Variants in SLC22A23 observed in about 807,000 individuals in gnomAD.
SLC22A23 encodes the protein solute carrier family 22 member 23, also known as ion transporter protein.
A neutral mutation model predicts 61.0 loss-of-function variants in SLC22A23; 26 were observed. That is an observed-to-expected ratio of 0.43 (90% confidence interval 0.31 to 0.59). The LOEUF (loss-of-function observed/expected upper bound fraction) is 0.59, where lower values mean the gene tolerates loss of function less well. Among genes scored for constraint, SLC22A23 ranks in the 20% least tolerant of loss-of-function variants. The pLI, the probability that SLC22A23 is intolerant of heterozygous loss-of-function variation, is 0.11. For synonymous variants in SLC22A23, 430 were observed against 413.9 expected (o/e 1.04, Z -0.47); for missense variants, 796 against 934.7 (o/e 0.85, Z 1.94).
chr6:3,361,218 GAA>G lies in SLC22A23; in HGVS notation c.914-37218_914-37217del, dbSNP rs201525203. Among the ~76,000 whole-genome samples, 1,105 of 151,678 alleles carry G rather than the reference GAA, an allele frequency of 7.3e-3. 16 individuals carry two copies. Among genetic ancestry groups the G allele is most frequent in the African/African-American group, 0.02 (842 of 41,294 alleles). On this transcript the variant is annotated intron_variant, in intron 3 of 9. Coordinates refer to ENST00000406686, the MANE Select transcript of SLC22A23 (RefSeq NM_015482.2). ...TCTTTCTACTGAAAAAAAAGAGAGG[GAA>G]ACGTGCTTCAATAAGAGGGACACAG...
At position 3,297,940 on chromosome 6, in the gene SLC22A23, A is replaced by G; in HGVS notation, c.1210+151T>C. On this transcript the variant is annotated intron_variant, in intron 5 of 9. Coordinates refer to ENST00000406686, the MANE Select transcript of SLC22A23 (RefSeq NM_015482.2). This position sits in a 1 kb window ranked among gnomAD's most constrained non-coding sequence, Gnocchi z 4.3. ...CACCTAGAAAATGGAGAGAATGTCA[A>G]GGTTGCCACATTGCCCTTGTGCAGG... 1 of 818,048 alleles carries G rather than the reference A, an allele frequency of 1.2e-6. No homozygotes were observed. Among genetic ancestry groups the G allele is most frequent in the Non-Finnish European group, 1.8e-6 (1 of 561,692 alleles). The allele number at this position is 818,048 out of a possible 1,614,324, so 50.7% of individuals were successfully genotyped here.
At chr6:3,285,041 T>A (rs776909494) in intron 8 of SLC22A23, 38 bp downstream of exon 8, 3 of 1,609,670 alleles carry the variant, frequency 1.9e-6, no homozygotes, top group Non-Finnish European at 2.5e-6. Context: ...AGATGTAATA[T>A]GAGACGAGGA....
At chr6:3,379,844 G>C (rs942118217) in intron 3 of SLC22A23, among the ~76,000 whole-genome samples, 2 of 152,160 alleles carry the variant, frequency 1.3e-5, no homozygotes, top group African/African-American at 4.8e-5. Flanking sequence ...GGCTTCAAAG[G>C]GTTCCTGTGG....
At chr6:3,448,639 G>A (rs1049934312) in intron 1 of SLC22A23, among the ~76,000 whole-genome samples, 8 of 152,042 alleles carry the variant, frequency 5.3e-5, no homozygotes, top group South Asian at 2.1e-4. Flanking sequence ...GACTACAGGC[G>A]CCCGCCACCA....
chr6:3,405,300 T>C (rs1768736966), intron 3 of SLC22A23, among the ~76,000 whole-genome samples: 2 of 151,704 alleles, frequency 1.3e-5, no homozygotes, highest in South Asian at 4.2e-4. Context: ...AGGCCTTCGG[T>C]AAACTCTGAC....
chr6:3,296,984 C>T (rs1368903166), intron 5 of SLC22A23, among the ~76,000 whole-genome samples: 3 of 152,242 alleles, frequency 2.0e-5, no homozygotes, highest in Non-Finnish European at 2.9e-5. Flanking sequence ...GCCCCTGCAC[C>T]TGTGCCCCTG....
rs1581572982 is a variant in SLC22A23, at chr6:3,273,207, T to C, written c.1909A>G (p.Thr637Ala). ...TTGTGCGGCAGCAGCGGCTGGCGCG[T>C]GTAGTGCTCCCCGTTAGAAATGTTC... is the stretch of plus-strand genomic sequence containing the variant. ...PENISNGEHYTRQPLLPHKKG... is the reference protein window; with the variant it reads ...PENISNGEHYARQPLLPHKKG... The change falls in exon 10 of 10, where the codon ACG becomes GCG. Residue 637 changes from threonine to alanine, a missense_variant. Thr to Ala is a moderately conservative substitution (Grantham distance 58, BLOSUM62 0). Transcript: ENST00000406686. 1.9e-6 allele frequency: 3 copies of C among 1,606,646 alleles called. No homozygotes were observed. Among genetic ancestry groups the C allele is most frequent in the East Asian group, 4.5e-5 (2 of 44,290 alleles).
rs904695436 is a variant in SLC22A23 at position 3,270,000 on chromosome 6, T to G, written c.*3055A>C. 2 of 152,758 alleles carry G rather than the reference T, an allele frequency of 1.3e-5. No individual in the cohort carries two copies. Among genetic ancestry groups the G allele is most frequent in the Admixed American group, 1.3e-4 (2 of 15,290 alleles). The allele number at this position is 152,758 out of a possible 1,614,324, so 9.5% of individuals were successfully genotyped here. On this transcript the variant is annotated 3_prime_UTR_variant, in exon 10 of 10. Transcript: ENST00000406686. ...CTTACTCTCAGTAAACAAAAACATG[T>G]AACCTTTTTCCTGTTTCTCTTGGGT...
rs1305988600 is a variant in SLC22A23, at chr6:3,447,892, TC to T, written c.654+8013del. ...CATGAGCTACCATGCCTGGCCTCTC[TC>T]TCTCTTTTTTTTTTTTTTTTTTTGA... On this transcript the variant is annotated intron_variant, in intron 1 of 9. Transcript: ENST00000406686. Among the ~76,000 whole-genome samples the T allele has an allele frequency of 6.8e-3, 293 of 43,240 alleles. 1 individual carries two copies. The highest frequency in any genetic ancestry group is 0.049 in the African/African-American group (282 of 5,712). 28.4% of individuals were successfully genotyped at this position (43,240 alleles called of 152,430 possible).
At chr6:3,391,956 C>A (rs1423802275) in intron 3 of SLC22A23, among the ~76,000 whole-genome samples, 135 of 152,264 alleles carry the variant, frequency 8.9e-4, no homozygotes, top group African/African-American at 3.1e-3. Flanking sequence ...TGGCTGGACA[C>A]AGTGCAAGAT....
At chr6:3,411,214 T>C (rs980217075) in intron 2 of SLC22A23, among the ~76,000 whole-genome samples, 1 of 152,106 alleles carries the variant, frequency 6.6e-6, no homozygotes, top group Non-Finnish European at 1.5e-5. Flanking sequence ...AGAAATAAAA[T>C]GGCAACAATA....
intron 4 of SLC22A23, chr6:3,313,353 A>C (rs1581673743): frequency 6.6e-6 from 1 of 152,342 alleles, no homozygotes; most frequent in East Asian, 1.9e-4. Flanking sequence ...AGATTTGACC[A>C]AGAAATTTTT....
intron 3 of SLC22A23, among the ~76,000 whole-genome samples, chr6:3,391,934 G>A (rs757494233): frequency 3.3e-5 from 5 of 152,136 alleles, no homozygotes; most frequent in Non-Finnish European, 4.4e-5. Flanking sequence ...AGCAGGAGCT[G>A]AAAGATCCAT....
At chr6:3,391,962 AAGATCAAAGGGCCAAACCATGC>A (rs547942285) in intron 3 of SLC22A23, among the ~76,000 whole-genome samples, 6 of 152,110 alleles carry the variant, frequency 3.9e-5, no homozygotes, top group African/African-American at 9.7e-5. Context: ...GACACAGTGC[AAGATCAAAGGGCCAAACCATGC>A]AAGATAGCAT....
At chr6:3,379,586 G>C (rs1006657738) in intron 3 of SLC22A23, among the ~76,000 whole-genome samples, 1 of 152,134 alleles carries the variant, frequency 6.6e-6, no homozygotes, top group African/African-American at 2.4e-5. Flanking sequence ...TTTAGCTTAG[G>C]TGAAAGAGAA....
At position 3,456,285 on chromosome 6, in the gene SLC22A23, C is replaced by A. The variant is rs762648084; in HGVS notation, c.275G>T (p.Gly92Val). 3 of 1,551,272 alleles carry A rather than the reference C, an allele frequency of 1.9e-6. No homozygotes were observed. The South Asian group carries it at 3.6e-5, about 18-fold the overall frequency. The change falls in exon 1 of 10, where the codon GGC (glycine) becomes GTC (valine). Residue 92 changes from glycine to valine, a missense_variant. Coordinates refer to ENST00000406686, the MANE Select transcript of SLC22A23 (RefSeq NM_015482.2). The surrounding 1 kb of genome is among the most constrained non-coding windows in gnomAD (Gnocchi z 7.1). ...CACGAGGGTCTTCTGATAGCCCCCG[C>A]CCAGGCCCCCGAGGAAGGGCAGCAC... ...GSVLPFLGGLGGGYQKTLVLL... is the reference protein window; with the variant it reads ...GSVLPFLGGLVGGYQKTLVLL...
Position 3,406,585 on chromosome 6 carries a change from C to T in SLC22A23, c.913+3603G>A, listed in dbSNP as rs566310203. Among the ~76,000 whole-genome samples the T allele has an allele frequency of 5.3e-5, 8 of 151,756 alleles. 1 individual carries two copies. In the East Asian group the frequency reaches 1.6e-3, roughly 29 times the overall value. On this transcript the variant is annotated intron_variant, in intron 3 of 9. Transcript: ENST00000406686. The stretch of plus-strand genomic sequence containing the variant: ...GTGTGTGCGTATGTGTGTCCAGAGG[C>T]CACTGATCCAGTCCAAGTGTATTTA...
At chr6:3,334,304 G>C (rs927131098) in intron 3 of SLC22A23, among the ~76,000 whole-genome samples, 2 of 152,128 alleles carry the variant, frequency 1.3e-5, no homozygotes, top group Non-Finnish European at 2.9e-5. Flanking sequence ...TAGGATTACA[G>C]GCACCTTCCA....
chr6:3,277,618 G>C (rs112178425), intron 9 of SLC22A23, among the ~76,000 whole-genome samples: 18,383 of 152,132 alleles, frequency 0.12, 3,044 homozygotes, highest in African/African-American at 0.38. Flanking sequence ...GTGTCTGTGT[G>C]TCTCTAATAG....
Sources: allele counts gnomAD v4.1 joint callset (sites outside exome capture counted in the v4.1 genomes callset), GRCh38; gene constraint gnomAD v4.1.1; non-coding constraint Gnocchi (gnomAD v3.1); transcripts MANE v1.5; gene names NCBI Gene and HGNC (gene_info 2026-07-23, HGNC 2026-07-21).